Variants in MICU3 observed in about 807,000 individuals in gnomAD.
The protein encoded by MICU3 is mitochondrial calcium uptake 3.
Under a neutral mutation model 66.5 loss-of-function variants are expected in MICU3, and 62 were observed. The observed-to-expected ratio is 0.93, with a 90% CI of 0.76 to 1.15. MICU3 has a LOEUF of 1.15. MICU3 is among the 50% of genes most tolerant of loss of function. The probability of loss-of-function intolerance (pLI) is 0.00; values close to 1 mark genes in which losing one functional copy is unlikely to be tolerated. For missense variants in MICU3, 779 were observed against 664.4 expected (o/e 1.17, Z -1.90); for synonymous variants, 308 against 240.7 (o/e 1.28, Z -2.59).
chr8:17,130,928 A>C, the MICU3 span, among the ~76,000 whole-genome samples: 3 of 152,212 alleles, frequency 2.0e-5, no homozygotes, highest in Non-Finnish European at 4.4e-5. Flanking sequence ...TGCTGCCTTG[A>C]AAATATGTAT....
At chr8:17,084,383 G>C (rs1400581506) in intron 5 of MICU3, among the ~76,000 whole-genome samples, 4 of 152,096 alleles carry the variant, frequency 2.6e-5, no homozygotes, top group African/African-American at 9.7e-5. Flanking sequence ...GCTGTTACTA[G>C]TTAAGAAAGT....
intron 2 of MICU3, among the ~76,000 whole-genome samples, chr8:17,066,536 T>G (rs1203320883): frequency 0.043 from 5,591 of 129,294 alleles, 179 homozygotes; most frequent in Non-Finnish European, 0.062. Flanking sequence ...TATATATATA[T>G]ATATAGATTT....
At chr8:17,105,688 AGATATCTTG>A in intron 11 of MICU3, 104 bp downstream of exon 11, 1 of 586,332 alleles carries the variant, frequency 1.7e-6, no homozygotes. Context: ...GTGGATTAAA[AGATATCTTG>A]GATGTGTTTC....
Position 17,098,573 on chromosome 8 carries a change from A to G in MICU3, c.984+20A>G. On this transcript the variant is annotated intron_variant, in intron 9 of 14. Coordinates refer to ENST00000318063, the MANE Select transcript of MICU3 (RefSeq NM_181723.3). Reference sequence around the variant, plus strand: ...GCAGAGGTATAATTAAACCTCAACAAGGTCCTTGTACTATTTGCCATCTTG... The same window carrying G: ...GCAGAGGTATAATTAAACCTCAACAGGGTCCTTGTACTATTTGCCATCTTG... 1 of 1,494,224 alleles carries G rather than the reference A, an allele frequency of 6.7e-7. No individual in the cohort carries two copies. The highest frequency in any genetic ancestry group is 1.1e-5 in the South Asian group (1 of 88,472). 92.6% of individuals were successfully genotyped at this position (1,494,224 alleles called of 1,614,324 possible).
rs1159552913 is a variant in MICU3 at position 17,069,722 on chromosome 8, G to A, written c.567+3G>A. 5.2e-6 allele frequency: 8 copies of A among 1,529,964 alleles called. No individual in the cohort carries two copies. Among genetic ancestry groups the A allele is most frequent in the Non-Finnish European group, 7.1e-6 (8 of 1,130,872 alleles). The allele number at this position is 1,529,964 out of a possible 1,614,324, so 94.8% of individuals were successfully genotyped here. ...CTTGGAAGTCACTTTCCAAACAGGT[G>A]AGTTAAAGCTCTTGGTAGATATACA... On this transcript the variant is annotated splice_donor_region_variant and intron_variant, in intron 3 of 14. Transcript: ENST00000318063.
intron 1 of MICU3, among the ~76,000 whole-genome samples, chr8:17,039,513 G>C (rs1813660716): frequency 6.6e-6 from 1 of 152,160 alleles, no homozygotes; most frequent in African/African-American, 2.4e-5. Context: ...ATCTAATAGA[G>C]TCACATACAA....
At chr8:17,036,382 T>C (rs28784057) in intron 1 of MICU3, among the ~76,000 whole-genome samples, 18,031 of 152,056 alleles carry the variant, frequency 0.12, 1,153 homozygotes, top group South Asian at 0.24. Flanking sequence ...GCTTCCACAG[T>C]GTGGAAGGGG....
At chr8:17,100,278 C>A (rs983467113) in intron 9 of MICU3, among the ~76,000 whole-genome samples, 3 of 151,196 alleles carry the variant, frequency 2.0e-5, no homozygotes, top group Non-Finnish European at 4.4e-5. Context: ...ACACTCTGAT[C>A]CAAAGCTGCT....
rs1803139999 is a variant in MICU3, at chr8:17,120,762, G to A, written c.*475G>A. 6.6e-6 allele frequency: 1 copy of A among 152,222 alleles called. No homozygotes were observed. Among genetic ancestry groups the A allele is most frequent in the African/African-American group, 2.4e-5 (1 of 41,364 alleles). 9.4% of individuals were successfully genotyped at this position (152,222 alleles called of 1,614,324 possible). On this transcript the variant is annotated 3_prime_UTR_variant, in exon 15 of 15. Coordinates refer to ENST00000318063, the MANE Select transcript of MICU3 (RefSeq NM_181723.3). Reference sequence around the variant, plus strand: ...TTGCTTGAGATTTATAATACCCTTAGAATTAAATTCCTGTTATTTGCCCAG... The same window carrying A: ...TTGCTTGAGATTTATAATACCCTTAAAATTAAATTCCTGTTATTTGCCCAG...
At position 17,087,045 on chromosome 8, in the gene MICU3, C is replaced by A. The variant is rs372712442; in HGVS notation, c.849+10C>A. 2 of 1,572,028 alleles carry A rather than the reference C, an allele frequency of 1.3e-6. No homozygotes were observed. Among genetic ancestry groups the A allele is most frequent in the Non-Finnish European group, 1.7e-6 (2 of 1,145,476 alleles). The stretch of plus-strand genomic sequence containing the variant: ...AAAGCGTGCAATGCTGGTAAGAATA[C>A]TTTATAGTAGCTTTAGGTGGCTTTT... On this transcript the variant is annotated intron_variant, in intron 7 of 14. Transcript: ENST00000318063.
intron 1 of MICU3, among the ~76,000 whole-genome samples, chr8:17,037,961 C>G (rs911705307): frequency 1.2e-4 from 19 of 152,112 alleles, no homozygotes; most frequent in African/African-American, 4.6e-4. Context: ...ACAGTTTCTC[C>G]CATTTGGAAT....
chr8:17,030,886 C>T (rs1436246854), intron 1 of MICU3, among the ~76,000 whole-genome samples: 1 of 152,164 alleles, frequency 6.6e-6, no homozygotes, highest in African/African-American at 2.4e-5. Flanking sequence ...AATTATCACT[C>T]CTCCATCTCT....
At chr8:17,075,912 G>A (rs192325593) in intron 3 of MICU3, among the ~76,000 whole-genome samples, 38 of 152,270 alleles carry the variant, frequency 2.5e-4, no homozygotes, top group Non-Finnish European at 5.0e-4. Flanking sequence ...AACAGATGAG[G>A]TTGGAAGACA....
At chr8:17,125,504 C>A (rs770522327), downstream of MICU3, among the ~76,000 whole-genome samples, 5 of 152,066 alleles carry the variant, frequency 3.3e-5, no homozygotes, top group Non-Finnish European at 7.4e-5. Context: ...CTGAGATGAG[C>A]TTTTGACTGA....
chr8:17,101,032 G>A (rs553904630), intron 9 of MICU3, among the ~76,000 whole-genome samples: 5 of 151,804 alleles, frequency 3.3e-5, no homozygotes, highest in South Asian at 2.1e-4. Flanking sequence ...CTAGCCCTTC[G>A]ATACCTCGTA....
At chr8:17,039,645 A>C (rs564880464) in intron 1 of MICU3, among the ~76,000 whole-genome samples, 1 of 152,154 alleles carries the variant, frequency 6.6e-6, no homozygotes, top group Non-Finnish European at 1.5e-5. Flanking sequence ...GGGCTGGACT[A>C]TTTTATAAGT....
chr8:17,137,908 G>C, the MICU3 span, among the ~76,000 whole-genome samples: 30 of 151,516 alleles, frequency 2.0e-4, no homozygotes, highest in African/African-American at 6.8e-4. Flanking sequence ...GTAGAGACAG[G>C]GTTTCACCAT....
chr8:17,085,907 C>A (rs1216825558), intron 6 of MICU3, among the ~76,000 whole-genome samples: 3 of 152,058 alleles, frequency 2.0e-5, no homozygotes, highest in Non-Finnish European at 4.4e-5. Context: ...TACCCTGCTT[C>A]CAGAATTTTT....
chr8:17,042,249 G>T (rs1390171135), intron 1 of MICU3, among the ~76,000 whole-genome samples: 1 of 152,156 alleles, frequency 6.6e-6, no homozygotes, highest in Non-Finnish European at 1.5e-5. Flanking sequence ...ATACAATGCA[G>T]ATTTTGTTAT....
Sources: allele counts gnomAD v4.1 joint callset (sites outside exome capture counted in the v4.1 genomes callset), GRCh38; gene constraint gnomAD v4.1.1; transcripts MANE v1.5; gene names NCBI Gene and HGNC (gene_info 2026-07-23, HGNC 2026-07-21).